HERC4: variants seen among roughly 807,000 people sequenced by gnomAD.
HERC4 encodes the protein probable E3 ubiquitin-protein ligase HERC4.
A neutral mutation model predicts 124.3 loss-of-function variants in HERC4; 28 were observed. The observed-to-expected ratio is 0.23, with a 90% CI of 0.17 to 0.31. HERC4 has a LOEUF of 0.31. Ranked by LOEUF, HERC4 falls within the 10% of genes least tolerant of loss-of-function variation. HERC4 has a pLI of 1.00. For synonymous variants in HERC4, 407 were observed against 421.5 expected, an observed-to-expected ratio of 0.97 and a Z score of 0.42; for missense variants, 713 against 1,229.3, an observed-to-expected ratio of 0.58 and a Z score of 6.28.
At chr10:67,987,845 C>T (rs1359663472) in intron 15 of HERC4, among the ~76,000 whole-genome samples, 1 of 151,984 alleles carries the variant, frequency 6.6e-6, no homozygotes, top group Non-Finnish European at 1.5e-5. Flanking sequence ...TCCTTTATCC[C>T]TTTATTATTT....
chr10:68,049,247 A>G (rs952531556), intron 3 of HERC4, among the ~76,000 whole-genome samples: 11 of 152,274 alleles, frequency 7.2e-5, no homozygotes, highest in African/African-American at 2.6e-4. Flanking sequence ...CCCAGGATAT[A>G]TTATCCATTG....
At chr10:68,037,091 CTTTTTTTTTTTT>C (rs35105661) in intron 5 of HERC4, among the ~76,000 whole-genome samples, 1 of 106,948 alleles carries the variant, frequency 9.4e-6, no homozygotes, top group Non-Finnish European at 1.8e-5. Context: ...CCTATTTCTT[CTTTTTTTTTTTT>C]TTTTTTTTTG....
At chr10:68,034,319 T>A in intron 5 of HERC4, 133 bp from the exon 6 acceptor site, 1 of 665,336 alleles carries the variant, frequency 1.5e-6, no homozygotes, top group Non-Finnish European at 2.5e-6. Flanking sequence ...CAAAAGAATA[T>A]AAATATTATT....
At chr10:67,969,716 T>C (rs562627287) in intron 15 of HERC4, among the ~76,000 whole-genome samples, 9 of 152,070 alleles carry the variant, frequency 5.9e-5, no homozygotes, top group African/African-American at 2.2e-4. Context: ...CTTATATCAG[T>C]AGGACTAGAG....
rs1436579174 is a variant in HERC4 at position 67,925,110 on chromosome 10, T to C, written c.2916A>G (p.Pro972=). 4.4e-6 allele frequency: 7 copies of C among 1,595,116 alleles called. No homozygotes were observed. Among genetic ancestry groups the C allele is most frequent in the Non-Finnish European group, 6.0e-6 (7 of 1,162,956 alleles). The change falls in exon 24 of 25, where the codon CCA becomes CCG. Residue 972 remains proline (P), a synonymous_variant. Transcript: ENST00000373700. ...KIFWEVFHEL[P]LEKKKQFLLF... is the part of the protein sequence containing the mutation. The stretch of plus-strand genomic sequence containing the variant: ...ACAGAAACTGTTTCTTCTTTTCCAA[T>C]GGTAATTCGTGAAATACTTCCCAAA...
chr10:68,010,223 G>A (rs1002611542), intron 9 of HERC4: 2 of 1,077,068 alleles, frequency 1.9e-6, no homozygotes, highest in African/African-American at 1.5e-5. Context: ...ATGCATGGGA[G>A]AGCCCAGAGT....
chr10:67,975,018 G>T (rs892945845), intron 15 of HERC4, among the ~76,000 whole-genome samples: 3 of 151,970 alleles, frequency 2.0e-5, no homozygotes, highest in Non-Finnish European at 4.4e-5. Flanking sequence ...GTGAAACCCC[G>T]TCTCTACTAA....
At chr10:67,988,489 A>G (rs2036381713) in intron 15 of HERC4, among the ~76,000 whole-genome samples, 174 bp downstream of exon 15, 1 of 152,088 alleles carries the variant, frequency 6.6e-6, no homozygotes, top group African/African-American at 2.4e-5. Flanking sequence ...CCAGAGCTCC[A>G]AAGGACAGGT....
chr10:67,947,903 C>T (rs1259312582), intron 19 of HERC4, among the ~76,000 whole-genome samples: 1 of 129,166 alleles, frequency 7.7e-6, no homozygotes, highest in East Asian at 2.6e-4. Flanking sequence ...GTTGGCCAGG[C>T]TGGTCTCGAA....
chr10:67,944,891 A>T (rs1265516884), intron 19 of HERC4, among the ~76,000 whole-genome samples: 2 of 152,248 alleles, frequency 1.3e-5, no homozygotes, highest in Non-Finnish European at 2.9e-5. Context: ...AGGCTATTTC[A>T]AAGTACACAA....
chr10:67,998,635 T>C (rs560492247), intron 9 of HERC4, among the ~76,000 whole-genome samples: 1 of 152,162 alleles, frequency 6.6e-6, no homozygotes. Context: ...ACAACCTTAC[T>C]GCTCTAATTC....
intron 8 of HERC4, among the ~76,000 whole-genome samples, chr10:68,017,828 A>G (rs911725633): frequency 1.5e-4 from 23 of 152,230 alleles, no homozygotes; most frequent in Admixed American, 6.5e-4. Flanking sequence ...TGAAAAAATT[A>G]TTAGAAAAAA....
In HERC4 at chr10:68,043,545, G is replaced by A. The variant is rs1020563432; in HGVS notation, c.386+859C>T. Reference sequence around the variant, plus strand: ...TTAAAACAATGATTAGCCAGGCACAGTGCTTCACGCCTATAATCATGAGTA... The same window carrying A: ...TTAAAACAATGATTAGCCAGGCACAATGCTTCACGCCTATAATCATGAGTA... On this transcript the variant is annotated intron_variant, in intron 4 of 24. Coordinates refer to ENST00000373700, the MANE Select transcript of HERC4 (RefSeq NM_015601.4). Among the ~76,000 whole-genome samples the A allele has an allele frequency of 2.0e-5, 3 of 152,144 alleles. No individual in the cohort carries two copies. In the East Asian group the frequency reaches 5.8e-4, roughly 29 times the overall value.
At chr10:68,052,159 T>C (rs768164538) in intron 3 of HERC4, among the ~76,000 whole-genome samples, 14 of 152,182 alleles carry the variant, frequency 9.2e-5, no homozygotes, top group Non-Finnish European at 4.4e-5. Flanking sequence ...TTCAGAGACA[T>C]AGGCAAAACC....
intron 23 of HERC4, among the ~76,000 whole-genome samples, chr10:67,931,581 C>T (rs1276582708): frequency 6.6e-6 from 1 of 152,072 alleles, no homozygotes; most frequent in East Asian, 1.9e-4. Context: ...TGTGCCACCA[C>T]ACCCGATTAA....
chr10:67,922,857 T>C lies in HERC4; in HGVS notation c.*74A>G. ...TATAATAGTACCTCTGTCACCTTGC[T>C]GAATTCATCACCACAAGAAAAACAC... On this transcript the variant is annotated 3_prime_UTR_variant, in exon 25 of 25. Transcript: ENST00000373700. 18 of 1,039,620 alleles carry C rather than the reference T, an allele frequency of 1.7e-5. No individual in the cohort carries two copies. Among genetic ancestry groups the C allele is most frequent in the Non-Finnish European group, 2.4e-5 (17 of 699,438 alleles). 64.4% of individuals were successfully genotyped at this position (1,039,620 alleles called of 1,614,324 possible).
chr10:67,932,731 C>A lies in HERC4; in HGVS notation c.2704G>T (p.Ala902Ser). 6.2e-7 allele frequency: 1 copy of A among 1,603,418 alleles called. No individual in the cohort carries two copies. The highest frequency in any genetic ancestry group is 8.5e-7 in the Non-Finnish European group (1 of 1,177,708). Residue 902 changes from alanine (A) to serine (S), a missense_variant, in exon 23 of 25, where the codon GCT becomes TCT. Coordinates refer to ENST00000373700, the MANE Select transcript of HERC4 (RefSeq NM_015601.4). ...GCATGAAAAGCATCAAATAAGGAAG[C>A]CACTGATTTATTGAATATGTAATCC... ...YVDYIFNKSV[A>S]SLFDAFHAGF...
At chr10:68,012,967 T>C (rs750104101) in intron 9 of HERC4, among the ~76,000 whole-genome samples, 2 of 152,216 alleles carry the variant, frequency 1.3e-5, no homozygotes, top group Non-Finnish European at 2.9e-5. Flanking sequence ...ACTATTGCAA[T>C]TGTTTGGATG....
intron 3 of HERC4, among the ~76,000 whole-genome samples, chr10:68,059,683 TA>T (rs2040823254): frequency 5.7e-5 from 3 of 52,800 alleles, no homozygotes; most frequent in African/African-American, 2.1e-4. Flanking sequence ...TTATATATCA[TA>T]ATATTATATA....
Sources: gnomAD v4.1 joint callset for allele counts (sites outside exome capture counted in the v4.1 genomes callset) on GRCh38, gnomAD v4.1.1 for gene constraint, MANE v1.5 for transcripts, NCBI Gene and HGNC (gene_info 2026-07-23, HGNC 2026-07-21) for gene names.